Variants in MALRD1 observed in about 807,000 individuals in gnomAD.
MALRD1 encodes the protein MAM and LDL-receptor class A domain-containing protein 1.
A neutral mutation model predicts 242.1 loss-of-function variants in MALRD1; 247 were observed. The ratio of observed to expected loss-of-function variants is 1.02; its 90% CI spans 0.92 to 1.13. The LOEUF (loss-of-function observed/expected upper bound fraction) is 1.13, where lower values mean the gene tolerates loss of function less well. Among genes scored for constraint, MALRD1 ranks in the 50% most tolerant of loss-of-function variants. The pLI, the probability that MALRD1 is intolerant of heterozygous loss-of-function variation, is 0.00. For missense variants in MALRD1, 2,989 were observed against 2,533.1 expected (o/e 1.18, Z -3.86); for synonymous variants, 995 against 866.6 (o/e 1.15, Z -2.60).
intron 29 of MALRD1, among the ~76,000 whole-genome samples, chr10:19,475,863 A>G (rs1239277701): frequency 6.6e-6 from 1 of 152,232 alleles, no homozygotes; most frequent in Non-Finnish European, 1.5e-5. Context: ...ATTCTTCATT[A>G]AAGCACATTA....
At chr10:19,338,409 T>C (rs549639867) in intron 24 of MALRD1, among the ~76,000 whole-genome samples, 2 of 152,272 alleles carry the variant, frequency 1.3e-5, no homozygotes, top group South Asian at 4.1e-4. Flanking sequence ...TATCATGTAT[T>C]TGGAATCATA....
Position 19,693,919 on chromosome 10 carries a change from CCACACATCTA to C in MALRD1, c.6314+1368_6314+1377del, listed in dbSNP as rs1422949585. Among the ~76,000 whole-genome samples the C allele has an allele frequency of 1.9e-4, 29 of 152,134 alleles. 1 individual carries two copies. The highest frequency in any genetic ancestry group is 6.3e-4 in the African/African-American group (26 of 41,506). ...CAGAACAGAGCCCTCAGAAATAATA[CCACACATCTA>C]CAACCATCTGATCTTTGACAAACCT... is the stretch of plus-strand genomic sequence containing the variant. On this transcript the variant is annotated intron_variant, in intron 38 of 39. Coordinates refer to ENST00000454679, the MANE Select transcript of MALRD1 (RefSeq NM_001142308.3).
intron 29 of MALRD1, among the ~76,000 whole-genome samples, chr10:19,490,487 C>G (rs1837432866): frequency 1.0e-5 from 1 of 96,884 alleles, no homozygotes; most frequent in South Asian, 4.7e-4. Context: ...CTGATGTAAA[C>G]AGAAGAAGCC....
At chr10:19,080,237 T>C (rs1431066231) in intron 2 of MALRD1, among the ~76,000 whole-genome samples, 1 of 151,894 alleles carries the variant, frequency 6.6e-6, no homozygotes, top group Non-Finnish European at 1.5e-5. Context: ...TAAACTACCA[T>C]TGGCATTCTT....
intron 26 of MALRD1, among the ~76,000 whole-genome samples, chr10:19,361,667 C>A (rs1336253387): frequency 6.6e-6 from 1 of 152,080 alleles, no homozygotes; most frequent in South Asian, 2.1e-4. Context: ...TCTGTGACTT[C>A]TGTATTGGTA....
chr10:19,306,227 ATATAC>A (rs1426717454), intron 21 of MALRD1, among the ~76,000 whole-genome samples: 1 of 104,188 alleles, frequency 9.6e-6, no homozygotes, highest in Non-Finnish European at 2.1e-5. Context: ...CACATACTAT[ATATAC>A]TATACTATAT....
chr10:19,530,521 G>A, intron 31 of MALRD1, among the ~76,000 whole-genome samples: 1 of 139,534 alleles, frequency 7.2e-6, no homozygotes, highest in African/African-American at 2.6e-5. Context: ...GTCTTGAATG[G>A]GACTACAAAT....
At chr10:19,471,973 G>A (rs1452673590) in intron 29 of MALRD1, among the ~76,000 whole-genome samples, 6 of 151,832 alleles carry the variant, frequency 4.0e-5, no homozygotes, top group Non-Finnish European at 7.4e-5. Flanking sequence ...AATAAAAGTG[G>A]TAAGAGTGGG....
intron 28 of MALRD1, among the ~76,000 whole-genome samples, chr10:19,414,218 T>C (rs1173316143): frequency 6.6e-6 from 1 of 152,132 alleles, no homozygotes; most frequent in Non-Finnish European, 1.5e-5. Flanking sequence ...GTTGTCGTAG[T>C]GGTAGCACAT....
chr10:19,298,576 G>A (rs1841812526), intron 21 of MALRD1, among the ~76,000 whole-genome samples: 1 of 151,984 alleles, frequency 6.6e-6, no homozygotes, highest in South Asian at 2.1e-4. Flanking sequence ...TGTCAAATGG[G>A]TAACGTCACG....
rs75869772 is a variant in MALRD1 at position 19,531,874 on chromosome 10, T to C, written c.5478+523T>C. On this transcript the variant is annotated intron_variant, in intron 32 of 39. Transcript: ENST00000454679. Reference sequence around the variant, plus strand: ...TAAGTTGCTGCACTTATACTTTTCATTGTATCAATGAGTTTTTCAATCATC... The same window carrying C: ...TAAGTTGCTGCACTTATACTTTTCACTGTATCAATGAGTTTTTCAATCATC... Among the ~76,000 whole-genome samples the C allele has an allele frequency of 4.4e-3, 676 of 152,322 alleles. 7 individuals carry two copies. In the East Asian group the frequency reaches 0.058, roughly 13 times the overall value.
intron 18 of MALRD1, among the ~76,000 whole-genome samples, chr10:19,238,418 ATATACAT>A (rs1838532778): frequency 3.0e-5 from 2 of 65,806 alleles, no homozygotes; most frequent in African/African-American, 1.3e-4. Context: ...ATAATATATA[ATATACAT>A]TATATATAAT....
At chr10:19,525,073 T>G (rs1834044782) in intron 31 of MALRD1, among the ~76,000 whole-genome samples, 1 of 118,314 alleles carries the variant, frequency 8.5e-6, no homozygotes, top group African/African-American at 3.1e-5. Flanking sequence ...CCCAGCTAAT[T>G]TTTTTTTTTT....
chr10:19,598,549 G>C (rs1589288898), intron 34 of MALRD1: 1 of 151,992 alleles, frequency 6.6e-6, no homozygotes, highest in South Asian at 2.1e-4. Context: ...GCTTGAGCTA[G>C]GGAAAGTAAG....
At chr10:19,459,909 A>G (rs903373821) in intron 29 of MALRD1, among the ~76,000 whole-genome samples, 9 of 151,954 alleles carry the variant, frequency 5.9e-5, no homozygotes, top group South Asian at 2.1e-4. Flanking sequence ...TAAGGCTTAA[A>G]TAGCCCTTGA....
intron 36 of MALRD1, among the ~76,000 whole-genome samples, chr10:19,654,670 T>A (rs1379583112): frequency 6.6e-6 from 1 of 152,222 alleles, no homozygotes; most frequent in Non-Finnish European, 1.5e-5. Context: ...AAAAAGAGCT[T>A]AGGAAACAAA....
chr10:19,652,636 T>A (rs1312183352), intron 36 of MALRD1, among the ~76,000 whole-genome samples: 1 of 152,178 alleles, frequency 6.6e-6, no homozygotes, highest in Non-Finnish European at 1.5e-5. Flanking sequence ...GTGATTAAAC[T>A]GGCTGGGTGC....
chr10:19,206,390 A>G (rs920237913), intron 17 of MALRD1, among the ~76,000 whole-genome samples: 5 of 152,170 alleles, frequency 3.3e-5, no homozygotes, highest in African/African-American at 1.2e-4. Context: ...GATTTTGACA[A>G]TGACTATCCT....
intron 24 of MALRD1, among the ~76,000 whole-genome samples, chr10:19,333,554 G>C (rs1843479962): frequency 6.6e-6 from 1 of 152,070 alleles, no homozygotes; most frequent in Non-Finnish European, 1.5e-5. Flanking sequence ...CCATTGATGG[G>C]CACCTGGATC....
Sources: allele counts gnomAD v4.1 joint callset (sites outside exome capture counted in the v4.1 genomes callset), GRCh38; gene constraint gnomAD v4.1.1; transcripts MANE v1.5; gene names NCBI Gene and HGNC (gene_info 2026-07-23, HGNC 2026-07-21).